RBFOX1: variants seen among roughly 807,000 people sequenced by gnomAD.
The protein encoded by RBFOX1 is RNA binding fox-1 homolog 1.
Under a neutral mutation model 57.7 loss-of-function variants are expected in RBFOX1, and 8 were observed. That is an observed-to-expected ratio of 0.14 (90% CI 0.08 to 0.25). The LOEUF is 0.25. Among genes scored for constraint, RBFOX1 ranks in the 10% least tolerant of loss-of-function variants. The probability of loss-of-function intolerance (pLI) is 1.00; values close to 1 mark genes in which losing one functional copy is unlikely to be tolerated. For synonymous variants in RBFOX1, 326 were observed against 222.4 expected (o/e 1.47, Z -4.15); for missense variants, 611 against 548.5 (o/e 1.11, Z -1.14).
chr16:6,370,362 G>GAAAAA (rs71145221), intron 2 of RBFOX1, among the ~76,000 whole-genome samples: 8 of 82,008 alleles, frequency 9.8e-5, no homozygotes, highest in Non-Finnish European at 1.7e-4. Flanking sequence ...CGTCTCAAAA[G>GAAAAA]AAAAAAAAAA....
chr16:5,526,030 C>T (rs923764707), intron 2 of RBFOX1, among the ~76,000 whole-genome samples: 2 of 151,944 alleles, frequency 1.3e-5, no homozygotes, highest in African/African-American at 2.4e-5. Flanking sequence ...AGGGGGCGGA[C>T]GGGCAGTCAC....
At chr16:7,451,543 C>A (rs888349352) in intron 4 of RBFOX1, among the ~76,000 whole-genome samples, 1 of 151,938 alleles carries the variant, frequency 6.6e-6, no homozygotes, top group Non-Finnish European at 1.5e-5. Flanking sequence ...AGATCTCAAC[C>A]CTACACTCAT....
In RBFOX1 at chr16:5,527,226, G is replaced by A. The variant is rs536630953; in HGVS notation, c.258+59972G>A. On this transcript the variant is annotated intron_variant, in intron 2 of 2. Transcript: ENST00000585867. ...TGTTGTCCTGATGAGGACCCGCGATGGGCCCTGGGAATTCCAGAGTCAAGT... is the reference window on the plus strand; with the variant it reads ...TGTTGTCCTGATGAGGACCCGCGATAGGCCCTGGGAATTCCAGAGTCAAGT... Among the ~76,000 whole-genome samples, 3 of 152,272 alleles carry A rather than the reference G, an allele frequency of 2.0e-5. No homozygotes were observed. In the South Asian group the frequency reaches 6.2e-4, roughly 32 times the overall value.
chr16:6,895,398 C>T (rs2066516727), intron 3 of RBFOX1, among the ~76,000 whole-genome samples: 1 of 137,570 alleles, frequency 7.3e-6, no homozygotes, highest in African/African-American at 2.7e-5. Context: ...TCTGCCTCAG[C>T]CACTAGTTGT....
chr16:6,635,736 AATTTATTTTT>A (rs1308930221), intron 2 of RBFOX1, among the ~76,000 whole-genome samples: 1 of 152,110 alleles, frequency 6.6e-6, no homozygotes, highest in Non-Finnish European at 1.5e-5. Flanking sequence ...AAGAGAGATC[AATTTATTTTT>A]ATTTATTTTA....
At chr16:5,737,852 T>C (rs887929041) in intron 3 of RBFOX1, among the ~76,000 whole-genome samples, 1 of 152,124 alleles carries the variant, frequency 6.6e-6, no homozygotes, top group Non-Finnish European at 1.5e-5. Flanking sequence ...ATTCTTTTAT[T>C]TTTATTTATT....
intron 2 of RBFOX1, among the ~76,000 whole-genome samples, chr16:6,386,455 C>G (rs1231704164): frequency 6.6e-6 from 1 of 152,104 alleles, no homozygotes; most frequent in Non-Finnish European, 1.5e-5. Context: ...TTTGTTCATC[C>G]AAAAATTACT....
chr16:7,368,444 T>C (rs1596598716), intron 4 of RBFOX1, among the ~76,000 whole-genome samples: 1 of 151,970 alleles, frequency 6.6e-6, no homozygotes. Context: ...TAAAAAGTTT[T>C]CTTGGAGGTC....
chr16:6,671,781 G>A (rs2098766734), intron 3 of RBFOX1, among the ~76,000 whole-genome samples: 1 of 152,158 alleles, frequency 6.6e-6, no homozygotes, highest in Non-Finnish European at 1.5e-5. Flanking sequence ...AGGTTGCTGT[G>A]AATGCCATTA....
chr16:6,351,462 C>T (rs950878138), intron 2 of RBFOX1, among the ~76,000 whole-genome samples: 3 of 148,504 alleles, frequency 2.0e-5, no homozygotes, highest in Non-Finnish European at 4.4e-5. Flanking sequence ...CAACCTCTAT[C>T]TCCCAGGTTC....
At chr16:6,701,135 A>ATC (rs2061777585) in intron 3 of RBFOX1, among the ~76,000 whole-genome samples, 1 of 149,114 alleles carries the variant, frequency 6.7e-6, no homozygotes. Flanking sequence ...CTGTGTGTGT[A>ATC]TGTGTGTGTG....
In RBFOX1 at chr16:6,912,231, C is replaced by G. The variant is rs574359920; in HGVS notation, c.-15-139826C>G. On this transcript the variant is annotated intron_variant, in intron 3 of 15. Coordinates refer to ENST00000550418, the MANE Select transcript of RBFOX1 (RefSeq NM_018723.4). ...TTTCTCTAATGTGGAGTTTCTCAAA[C>G]TTGAGGGTACGTCAGAAGCACCTGC... Among the ~76,000 whole-genome samples, 39 of 152,246 alleles carry G rather than the reference C, an allele frequency of 2.6e-4. 1 individual carries two copies. The highest frequency in any genetic ancestry group is 9.1e-4 in the African/African-American group (38 of 41,540).
At chr16:6,250,587 C>G (rs144668949) in intron 1 of RBFOX1, among the ~76,000 whole-genome samples, 5 of 152,110 alleles carry the variant, frequency 3.3e-5, no homozygotes, top group South Asian at 2.1e-4. Flanking sequence ...GCAGGAGAAG[C>G]CTTTGAAACC....
chr16:6,646,272 A>C (rs761596298), intron 2 of RBFOX1, among the ~76,000 whole-genome samples: 4 of 152,162 alleles, frequency 2.6e-5, no homozygotes, highest in Non-Finnish European at 4.4e-5. Flanking sequence ...TTCCAATTTG[A>C]GTCCAGCATT....
chr16:6,230,161 A>G (rs1326608526), intron 1 of RBFOX1, among the ~76,000 whole-genome samples: 1 of 152,196 alleles, frequency 6.6e-6, no homozygotes, highest in Non-Finnish European at 1.5e-5. Context: ...CCTTTGCAAA[A>G]ACAAGATGCT....
chr16:6,754,846 C>T (rs576609420), intron 3 of RBFOX1, among the ~76,000 whole-genome samples: 123 of 152,012 alleles, frequency 8.1e-4, no homozygotes, highest in African/African-American at 2.9e-3. Context: ...TAAAGCTATC[C>T]CTCCCCTCTC....
chr16:6,482,995 C>G (rs908022941), intron 2 of RBFOX1, among the ~76,000 whole-genome samples: 1 of 152,206 alleles, frequency 6.6e-6, no homozygotes, highest in African/African-American at 2.4e-5. Context: ...ATATTTAATG[C>G]CTGAAAGAAC....
chr16:5,510,936 T>G (rs1406916528), intron 2 of RBFOX1, among the ~76,000 whole-genome samples: 1 of 152,202 alleles, frequency 6.6e-6, no homozygotes, highest in African/African-American at 2.4e-5. Context: ...GGTTAGTAGT[T>G]ATTATTATCT....
chr16:5,688,383 T>G (rs2050567695), intron 3 of RBFOX1, among the ~76,000 whole-genome samples: 1 of 152,224 alleles, frequency 6.6e-6, no homozygotes, highest in South Asian at 2.1e-4. Context: ...TGCTACTAAT[T>G]TTCCTTAGCT....
Sources: gnomAD v4.1 joint callset for allele counts (sites outside exome capture counted in the v4.1 genomes callset) on GRCh38, gnomAD v4.1.1 for gene constraint, MANE v1.5 for transcripts, NCBI Gene and HGNC (gene_info 2026-07-23, HGNC 2026-07-21) for gene names.